Variants in PCDHGB7 observed in about 807,000 individuals in gnomAD.
PCDHGB7 encodes the protein protocadherin gamma-B7.
PCDHGB7 carries 37 observed loss-of-function variants against 61.4 expected under a neutral mutation model. The observed-to-expected ratio is 0.60, with a 90% CI of 0.46 to 0.79. The LOEUF (loss-of-function observed/expected upper bound fraction) is 0.79. Ranked by LOEUF, PCDHGB7 falls within the 30% of genes least tolerant of loss-of-function variation. The pLI, the probability that PCDHGB7 is intolerant of heterozygous loss-of-function variation, is 0.00. For synonymous variants in PCDHGB7, 464 were observed against 503.5 expected, an observed-to-expected ratio of 0.92 and a Z score of 1.05; for missense variants, 1,166 against 1,202.5, an observed-to-expected ratio of 0.97 and a Z score of 0.45.
rs143767010 is a variant in PCDHGB7 at position 141,460,190 on chromosome 5, A to G, written c.2416-34617A>G. 3.2e-3 allele frequency among the ~76,000 whole-genome samples: 486 copies of G among 152,218 alleles called. 1 individual carries two copies. Among genetic ancestry groups the G allele is most frequent in the Non-Finnish European group, 4.9e-3 (336 of 68,006 alleles). ...TTTTGTGGATATTTTATCCCAGACTATGACTTGTCTTTTCATTTTCTTAGT... is the reference window on the plus strand; with the variant it reads ...TTTTGTGGATATTTTATCCCAGACTGTGACTTGTCTTTTCATTTTCTTAGT... On this transcript the variant is annotated intron_variant, in intron 1 of 3. Coordinates refer to ENST00000398594, the MANE Select transcript of PCDHGB7 (RefSeq NM_018927.4).
At chr5:141,461,861 T>C (rs1445632008) in intron 1 of PCDHGB7, among the ~76,000 whole-genome samples, 8 of 152,182 alleles carry the variant, frequency 5.3e-5, no homozygotes, top group Middle Eastern at 3.4e-3. Flanking sequence ...TTTGCTCTTG[T>C]TGCCCAGGCT....
At chr5:141,441,325 T>C (rs961263461) in intron 1 of PCDHGB7, 1 of 152,192 alleles carries the variant, frequency 6.6e-6, no homozygotes, top group African/African-American at 2.4e-5. Flanking sequence ...AGAAAAATCT[T>C]CCTCCAATAA....
intron 1 of PCDHGB7, among the ~76,000 whole-genome samples, chr5:141,466,627 C>G (rs1448245449): frequency 6.6e-6 from 1 of 152,154 alleles, no homozygotes; most frequent in African/African-American, 2.4e-5. Flanking sequence ...TTCTTTGGAG[C>G]ATTGTCTCCA....
chr5:141,499,191 C>A (rs920773306), intron 2 of PCDHGB7, among the ~76,000 whole-genome samples: 1 of 152,116 alleles, frequency 6.6e-6, no homozygotes, highest in Non-Finnish European at 1.5e-5. Context: ...ACCATTTCCC[C>A]CTTCTTAGGC....
chr5:141,429,389 A>T (rs6890456), intron 1 of PCDHGB7, among the ~76,000 whole-genome samples: 7,460 of 147,570 alleles, frequency 0.051, 197 homozygotes, highest in South Asian at 0.075. Flanking sequence ...TTTTTTTTTA[A>T]AAAAAATTGA....
chr5:141,422,092 G>A (rs2154549502), intron 1 of PCDHGB7: 6 of 1,611,520 alleles, frequency 3.7e-6, no homozygotes, highest in Non-Finnish European at 5.1e-6. Flanking sequence ...GGAAAGCAAG[G>A]CTTCTGAAAT....
At chr5:141,461,388 A>T (rs1025976806) in intron 1 of PCDHGB7, among the ~76,000 whole-genome samples, 5 of 152,164 alleles carry the variant, frequency 3.3e-5, no homozygotes, top group Admixed American at 6.5e-5. Context: ...CCTGATGATT[A>T]GCGATGTTGA....
chr5:141,500,207 T>G (rs932015076), intron 2 of PCDHGB7, among the ~76,000 whole-genome samples: 2 of 150,136 alleles, frequency 1.3e-5, no homozygotes, highest in African/African-American at 4.9e-5. Context: ...TTTATTTATT[T>G]ATTTATTTAT....
rs771411620 is a variant in PCDHGB7, at chr5:141,485,551, G to A, written c.2416-9256G>A. ...GAGCAGAGGTAGAGATCGTAGATGT[G>A]AATGATCACGCCCCCCGTTTTCCGC... On this transcript the variant is annotated intron_variant, in intron 1 of 3. Transcript: ENST00000398594. This position sits in a 1 kb window ranked among gnomAD's most constrained non-coding sequence, Gnocchi z 5.7. 1.9e-6 allele frequency: 3 copies of A among 1,613,958 alleles called. No individual in the cohort carries two copies. Among genetic ancestry groups the A allele is most frequent in the Admixed American group, 1.7e-5 (1 of 60,006 alleles).
intron 1 of PCDHGB7, chr5:141,424,584 C>T (rs919265310): frequency 3.9e-5 from 6 of 152,082 alleles, no homozygotes; most frequent in African/African-American, 1.4e-4. Flanking sequence ...TTCAAATGTG[C>T]TAAAGATGTC....
intron 1 of PCDHGB7, among the ~76,000 whole-genome samples, chr5:141,459,376 G>A (rs72790056): frequency 0.022 from 3,347 of 152,266 alleles, 53 homozygotes; most frequent in South Asian, 0.04. Flanking sequence ...TATCAGCAGC[G>A]TGTTCCATTT....
chr5:141,500,269 C>T (rs977958449), intron 2 of PCDHGB7, among the ~76,000 whole-genome samples: 1 of 151,504 alleles, frequency 6.6e-6, no homozygotes, highest in African/African-American at 2.4e-5. Context: ...ACTGCAGTGG[C>T]GCAATCTCGG....
At chr5:141,454,977 T>C (rs1357011192) in intron 1 of PCDHGB7, among the ~76,000 whole-genome samples, 6 of 151,508 alleles carry the variant, frequency 4.0e-5, no homozygotes, top group Non-Finnish European at 8.8e-5. Context: ...CTGGCTAATT[T>C]TTTAAAAAAT....
chr5:141,489,093 A>T lies in PCDHGB7; in HGVS notation c.2416-5714A>T. ...GCCCACCCCCGCCACTCGGTGACTA[A>T]GAACTGCTGCAAGCAGGCAAACCTC... is the stretch of plus-strand genomic sequence containing the variant. On this transcript the variant is annotated intron_variant, in intron 1 of 3. Coordinates refer to ENST00000398594, the MANE Select transcript of PCDHGB7 (RefSeq NM_018927.4). This position sits in a 1 kb window ranked among gnomAD's most constrained non-coding sequence, Gnocchi z 4.5. 2.1e-6 allele frequency: 1 copy of T among 477,272 alleles called. No individual in the cohort carries two copies. Among genetic ancestry groups the T allele is most frequent in the Non-Finnish European group, 3.6e-6 (1 of 276,700 alleles). The allele number at this position is 477,272 out of a possible 1,614,324, so 29.6% of individuals were successfully genotyped here.
In PCDHGB7 at chr5:141,493,269, C is replaced by T. The variant is rs142898207; in HGVS notation, c.2416-1538C>T. ...ACATGCCTCTCTTATAACAGCTTCA[C>T]AGAGGTCAAGTGACTTGCTCAAGTT... is the stretch of plus-strand genomic sequence containing the variant. On this transcript the variant is annotated intron_variant, in intron 1 of 3. Coordinates refer to ENST00000398594, the MANE Select transcript of PCDHGB7 (RefSeq NM_018927.4). This position sits in a 1 kb window ranked among gnomAD's most constrained non-coding sequence, Gnocchi z 4.3. Among the ~76,000 whole-genome samples the T allele has an allele frequency of 1.3e-5, 2 of 152,322 alleles. No individual in the cohort carries two copies. The highest frequency in any genetic ancestry group is 4.8e-5 in the African/African-American group (2 of 41,570).
chr5:141,428,367 G>C, intron 1 of PCDHGB7: 1 of 546,792 alleles, frequency 1.8e-6, no homozygotes, highest in South Asian at 1.9e-5. Context: ...CGGTCGCCTT[G>C]CACCTGCGAT....
chr5:141,509,144 G>C (rs969990007), intron 3 of PCDHGB7, among the ~76,000 whole-genome samples: 14 of 152,114 alleles, frequency 9.2e-5, no homozygotes, highest in Admixed American at 2.0e-4. Context: ...GGCGCATCCC[G>C]GCTCTCCCCT....
At chr5:141,453,377 T>TC (rs1242854086) in intron 1 of PCDHGB7, among the ~76,000 whole-genome samples, 3 of 152,072 alleles carry the variant, frequency 2.0e-5, no homozygotes, top group Admixed American at 2.0e-4. Context: ...CAAGTGATCC[T>TC]CCTGCCTTAG....
intron 1 of PCDHGB7, among the ~76,000 whole-genome samples, chr5:141,456,276 C>T (rs1319517390): frequency 1.3e-5 from 2 of 152,146 alleles, no homozygotes; most frequent in South Asian, 4.1e-4. Flanking sequence ...CTACTTCCTG[C>T]TGAAAAGGGG....
Sources: allele counts gnomAD v4.1 joint callset (sites outside exome capture counted in the v4.1 genomes callset), GRCh38; gene constraint gnomAD v4.1.1; non-coding constraint Gnocchi (gnomAD v3.1); transcripts MANE v1.5; gene names NCBI Gene and HGNC (gene_info 2026-07-23, HGNC 2026-07-21).